CAMSAP2: variants seen among roughly 807,000 people sequenced by gnomAD.
CAMSAP2 encodes calmodulin regulated spectrin associated protein family member 2, also known as calmodulin-regulated spectrin-associated protein 2.
CAMSAP2 carries 26 observed loss-of-function variants against 146.1 expected under a neutral mutation model. The observed-to-expected ratio is 0.18, with a 90% CI of 0.13 to 0.25. The LOEUF (loss-of-function observed/expected upper bound fraction) is 0.25, where lower values mean the gene tolerates loss of function less well. CAMSAP2 is among the 10% of genes least tolerant of loss of function. The probability of loss-of-function intolerance (pLI) is 1.00; values close to 1 mark genes in which losing one functional copy is unlikely to be tolerated. For missense variants in CAMSAP2, 1,381 were observed against 1,759.3 expected, an observed-to-expected ratio of 0.78 and a Z score of 3.85; for synonymous variants, 499 against 596.6, an observed-to-expected ratio of 0.84 and a Z score of 2.38.
intron 4 of CAMSAP2, among the ~76,000 whole-genome samples, chr1:200,818,267 C>A (rs1206242729): frequency 6.6e-6 from 1 of 151,882 alleles, no homozygotes; most frequent in Non-Finnish European, 1.5e-5. Context: ...AAAAAAATGC[C>A]ATTTGTATTT....
chr1:200,783,478 ATTTTC>A (rs1440551513), intron 2 of CAMSAP2, among the ~76,000 whole-genome samples: 1 of 151,668 alleles, frequency 6.6e-6, no homozygotes, highest in Non-Finnish European at 1.5e-5. Flanking sequence ...TGTGGTTCAC[ATTTTC>A]TTTTCTTTTC....
intron 3 of CAMSAP2, among the ~76,000 whole-genome samples, chr1:200,811,830 G>T (rs1243078476): frequency 6.6e-6 from 1 of 152,098 alleles, no homozygotes; most frequent in African/African-American, 2.4e-5. Flanking sequence ...ACCTGACCCT[G>T]TGTACTCCAT....
In CAMSAP2 at chr1:200,858,239, AT is replaced by A. The variant is rs540141352; in HGVS notation, c.*182del. 4.3e-4 allele frequency: 217 copies of A among 504,500 alleles called. 2 individuals carry two copies. The highest frequency in any genetic ancestry group is 3.9e-3 in the African/African-American group (201 of 50,996). The allele number at this position is 504,500 out of a possible 1,614,324, so 31.3% of individuals were successfully genotyped here. On this transcript the variant is annotated 3_prime_UTR_variant, in exon 17 of 17. Coordinates refer to ENST00000358823, the MANE Select transcript of CAMSAP2 (RefSeq NM_203459.4). ...TATTTTGGAGTGCAGAACATTCTCA[AT>A]TAAGTGATAAGTCCAAATGATGAAG... is the stretch of plus-strand genomic sequence containing the variant.
At chr1:200,854,378 A>G (rs1375141975) in intron 13 of CAMSAP2, among the ~76,000 whole-genome samples, 1 of 152,244 alleles carries the variant, frequency 6.6e-6, no homozygotes, top group South Asian at 2.1e-4. Flanking sequence ...AATTTTTTAG[A>G]GAATTCTCAT....
chr1:200,790,636 T>A (rs1007352857), intron 2 of CAMSAP2, among the ~76,000 whole-genome samples: 2 of 152,222 alleles, frequency 1.3e-5, no homozygotes, highest in Non-Finnish European at 2.9e-5. Context: ...GTGGTTTGCC[T>A]TGTGTTCTCA....
intron 4 of CAMSAP2, among the ~76,000 whole-genome samples, chr1:200,816,762 G>A (rs1466936526): frequency 1.8e-5 from 2 of 113,722 alleles, no homozygotes; most frequent in African/African-American, 7.0e-5. Context: ...ATATATGTGT[G>A]TACACACACA....
intron 2 of CAMSAP2, among the ~76,000 whole-genome samples, chr1:200,765,357 G>A (rs1188014252): frequency 1.3e-5 from 2 of 151,932 alleles, no homozygotes; most frequent in African/African-American, 4.8e-5. Context: ...AGCCTCCCGA[G>A]TAGCTGGGTA....
At chr1:200,820,785 A>C (rs1666737760) in intron 4 of CAMSAP2, among the ~76,000 whole-genome samples, 1 of 152,226 alleles carries the variant, frequency 6.6e-6, no homozygotes, top group Non-Finnish European at 1.5e-5. Context: ...TCAGTACATT[A>C]AAGTCCCAGT....
At chr1:200,843,129 A>G (rs1667369763) in intron 7 of CAMSAP2, among the ~76,000 whole-genome samples, 1 of 152,172 alleles carries the variant, frequency 6.6e-6, no homozygotes, top group African/African-American at 2.4e-5. Context: ...ACCCAACGCA[A>G]CACATGATCA....
intron 1 of CAMSAP2, among the ~76,000 whole-genome samples, chr1:200,754,574 CTT>C (rs35219206): frequency 3.7e-4 from 32 of 86,570 alleles, no homozygotes; most frequent in African/African-American, 1.4e-3. Flanking sequence ...GAAAGAGCTC[CTT>C]TTTTTTTTTT....
intron 2 of CAMSAP2, among the ~76,000 whole-genome samples, chr1:200,786,074 C>A (rs1334123667): frequency 2.6e-5 from 4 of 152,178 alleles, no homozygotes; most frequent in African/African-American, 9.7e-5. Flanking sequence ...GGTTATAATA[C>A]TCCCTTATTA....
At chr1:200,843,080 C>T (rs1234747923) in intron 7 of CAMSAP2, among the ~76,000 whole-genome samples, 2 of 151,724 alleles carry the variant, frequency 1.3e-5, no homozygotes, top group South Asian at 2.1e-4. Flanking sequence ...TCCAGCATAA[C>T]TTATGGAAAC....
intron 3 of CAMSAP2, 106 bp from the exon 4 acceptor site, chr1:200,815,455 C>T (rs1666455729): frequency 4.0e-6 from 2 of 495,330 alleles, no homozygotes; most frequent in East Asian, 3.5e-5. Context: ...TATTTGACAT[C>T]AGGGCTCTGA....
intron 12 of CAMSAP2, 71 bp downstream of exon 12, chr1:200,852,748 G>T: frequency 6.7e-7 from 1 of 1,491,436 alleles, no homozygotes; most frequent in Non-Finnish European, 9.0e-7. Flanking sequence ...GAAAAAGTTG[G>T]TAAGTACTCA....
intron 7 of CAMSAP2, 98 bp downstream of exon 7, chr1:200,842,185 A>AT (rs149419826): frequency 0.13 from 98,903 of 756,040 alleles, 4,958 homozygotes; most frequent in East Asian, 0.3. Flanking sequence ...TCAGCCTATT[A>AT]TTTTTTTTTT....
chr1:200,848,570 C>T lies in CAMSAP2; in HGVS notation c.1801C>T (p.Pro601Ser), dbSNP rs1190471937. Residue 601 changes from proline (P) to serine (S), a missense_variant, in exon 11 of 17, where the codon CCC (proline) becomes TCC (serine). Transcript: ENST00000358823. ...NVTDTKGALS[P>S]ITDNTEVDTG... Reference sequence around the variant, plus strand: ...AACTGATACGAAAGGTGCCTTGAGTCCCATAACTGACAATACTGAAGTAGA... The same window carrying T: ...AACTGATACGAAAGGTGCCTTGAGTTCCATAACTGACAATACTGAAGTAGA... 3 of 1,613,896 alleles carry T rather than the reference C, an allele frequency of 1.9e-6. No individual in the cohort carries two copies. The highest frequency in any genetic ancestry group is 2.5e-6 in the Non-Finnish European group (3 of 1,179,932).
At position 200,832,039 on chromosome 1, in the gene CAMSAP2, T is replaced by C. The variant is rs954446398; in HGVS notation, c.646-161T>C. ...GCTATTGTTGCCGTGTATTTAACTT[T>C]GGTAATACCTAGCGTTATTTAGAAA... On this transcript the variant is annotated intron_variant, in intron 4 of 16. Transcript: ENST00000358823. This position sits in a 1 kb window ranked among gnomAD's most constrained non-coding sequence, Gnocchi z 4.2. The C allele has an allele frequency of 3.2e-5, 18 of 569,586 alleles. No homozygotes were observed. In the African/African-American group the frequency reaches 3.4e-4, roughly 11 times the overall value. The allele number at this position is 569,586 out of a possible 1,614,324, so 35.3% of individuals were successfully genotyped here.
At position 200,760,996 on chromosome 1, in the gene CAMSAP2, C is replaced by T. The variant is rs781270028; in HGVS notation, c.297C>T (p.Gly99=). The change falls in exon 2 of 17, where the codon GGC becomes GGT. Residue 99 remains glycine, a synonymous_variant. Coordinates refer to ENST00000358823, the MANE Select transcript of CAMSAP2 (RefSeq NM_203459.4). ...LKSDAAKPLL[G]HDAVIQALAQ... is the part of the protein sequence containing the mutation. ...GTGATGCTGCAAAACCCCTTTTGGG[C>T]CATGATGCTGTAATCCAGGCTTTAG... 6.2e-7 allele frequency: 1 copy of T among 1,614,082 alleles called. No individual in the cohort carries two copies. The highest frequency in any genetic ancestry group is 1.1e-5 in the South Asian group (1 of 91,080).
intron 1 of CAMSAP2, among the ~76,000 whole-genome samples, chr1:200,757,160 G>A (rs138161607): frequency 3.2e-4 from 49 of 152,202 alleles, no homozygotes; most frequent in African/African-American, 1.0e-3. Context: ...AAATAAGGTG[G>A]CATTCCTATG....
Sources: gnomAD v4.1 joint callset for allele counts (sites outside exome capture counted in the v4.1 genomes callset) on GRCh38, gnomAD v4.1.1 for gene constraint, Gnocchi (gnomAD v3.1) non-coding constraint, MANE v1.5 for transcripts, NCBI Gene and HGNC (gene_info 2026-07-23, HGNC 2026-07-21) for gene names.